CLVS1: variants seen among roughly 807,000 people sequenced by gnomAD.
The protein encoded by CLVS1 is clavesin 1, also known as clavesin-1.
Under a neutral mutation model 33.1 loss-of-function variants are expected in CLVS1, and 10 were observed. The ratio of observed to expected loss-of-function variants is 0.30; its 90% CI spans 0.19 to 0.51. The LOEUF (loss-of-function observed/expected upper bound fraction) is 0.51. CLVS1 is among the 20% of genes least tolerant of loss of function. CLVS1 has a pLI of 0.97. For synonymous variants in CLVS1, 163 were observed against 166.1 expected, an observed-to-expected ratio of 0.98 and a Z score of 0.14; for missense variants, 343 against 433.4, an observed-to-expected ratio of 0.79 and a Z score of 1.85.
the CLVS1 span, among the ~76,000 whole-genome samples, chr8:61,004,137 C>T: frequency 5.9e-3 from 898 of 152,280 alleles, 6 homozygotes; most frequent in African/African-American, 0.019. Flanking sequence ...CTAATAATGC[C>T]GACCTGGCAA....
At chr8:61,369,158 A>G (rs941048036) in intron 2 of CLVS1, among the ~76,000 whole-genome samples, 7 of 152,064 alleles carry the variant, frequency 4.6e-5, no homozygotes, top group African/African-American at 1.5e-4. Flanking sequence ...TTTGTGACCA[A>G]TTTTGCTGAG....
At chr8:60,972,784 G>C in the CLVS1 span, among the ~76,000 whole-genome samples, 1 of 152,160 alleles carries the variant, frequency 6.6e-6, no homozygotes, top group African/African-American at 2.4e-5. Context: ...TGCCCATCAA[G>C]CAATCCTTGA....
In CLVS1 at chr8:61,276,445, T is replaced by A. The variant is rs143160661; in HGVS notation, c.-151-23232T>A. 9.8e-3 allele frequency among the ~76,000 whole-genome samples: 1,493 copies of A among 152,350 alleles called. 18 individuals are homozygous for A. The highest frequency in any genetic ancestry group is 0.028 in the South Asian group (136 of 4,826). ...AAGATTGCTCAAGAAACCCTTGCAT[T>A]CATGCACCAGTAAAGTTGTACTTCT... is the stretch of plus-strand genomic sequence containing the variant. On this transcript the variant is annotated intron_variant, in intron 2 of 2. Coordinates refer to the CLVS1 transcript ENST00000522621.
chr8:61,463,013 A>C (rs1242078677), intron 5 of CLVS1, among the ~76,000 whole-genome samples: 2 of 152,222 alleles, frequency 1.3e-5, no homozygotes, highest in Non-Finnish European at 2.9e-5. Context: ...TCTGTTGTTT[A>C]GTGTAGCCAG....
chr8:61,315,895 A>T (rs1035556189), intron 2 of CLVS1, among the ~76,000 whole-genome samples: 1 of 151,922 alleles, frequency 6.6e-6, no homozygotes, highest in South Asian at 2.1e-4. Flanking sequence ...CAACTCCCCA[A>T]TAGGCCCGGG....
At chr8:61,044,317 C>T in the CLVS1 span, among the ~76,000 whole-genome samples, 56 of 152,234 alleles carry the variant, frequency 3.7e-4, no homozygotes, top group Non-Finnish European at 7.2e-4. Flanking sequence ...TGCTATTGGG[C>T]ACTTGTAGAG....
intron 1 of CLVS1, among the ~76,000 whole-genome samples, chr8:61,122,569 AACACACACACACACACACAC>A (rs4033855): frequency 4.8e-5 from 7 of 144,532 alleles, no homozygotes; most frequent in African/African-American, 1.0e-4. Context: ...ATATTAAGAA[AACACACACACACACACACAC>A]ACACACACAC....
At chr8:61,044,073 C>T in the CLVS1 span, among the ~76,000 whole-genome samples, 1 of 152,122 alleles carries the variant, frequency 6.6e-6, no homozygotes, top group Admixed American at 6.5e-5. Context: ...AAGGATGCTA[C>T]TTTGGAGTTG....
intron 3 of CLVS1, among the ~76,000 whole-genome samples, chr8:61,384,423 A>C (rs1032327646): frequency 2.6e-5 from 4 of 152,224 alleles, no homozygotes; most frequent in African/African-American, 9.6e-5. Context: ...AAGAAATGAT[A>C]AGCATCTGAA....
chr8:61,254,991 C>T (rs908983507), intron 2 of CLVS1, among the ~76,000 whole-genome samples: 2 of 152,210 alleles, frequency 1.3e-5, no homozygotes, highest in African/African-American at 2.4e-5. Context: ...TCGTCTTCTG[C>T]ATCACTGACA....
In CLVS1 at chr8:61,357,494, CTTTTT is replaced by C. The variant is rs1167743712; in HGVS notation, c.456-19087_456-19083del. 1.9e-3 allele frequency among the ~76,000 whole-genome samples: 48 copies of C among 25,806 alleles called. No individual in the cohort carries two copies. In the East Asian group the frequency reaches 0.026, roughly 14 times the overall value. The allele number at this position is 25,806 out of a possible 152,430, so 16.9% of individuals were successfully genotyped here. A position where few individuals can be genotyped will look rare whatever the true frequency, so the allele number is the denominator to read the frequency against. Reference sequence around the variant, plus strand: ...CTTCTTTTTCTTTCCTTTTTCTTTTCTTTTTTTTTTTTTTTTTTTTTTTTTTTTGA... The same window carrying C: ...CTTCTTTTTCTTTCCTTTTTCTTTTCTTTTTTTTTTTTTTTTTTTTTTTGA... On this transcript the variant is annotated intron_variant, in intron 2 of 5. Transcript: ENST00000325897.
At chr8:61,243,883 C>T (rs1808749078) in intron 2 of CLVS1, among the ~76,000 whole-genome samples, 1 of 152,124 alleles carries the variant, frequency 6.6e-6, no homozygotes, top group Non-Finnish European at 1.5e-5. Context: ...GCTGTTTCTT[C>T]TTCAGCTTTT....
Position 61,405,606 on chromosome 8 carries a change from A to G in CLVS1, c.630+28827A>G, listed in dbSNP as rs769755062. 2.6e-5 allele frequency among the ~76,000 whole-genome samples: 4 copies of G among 152,176 alleles called. 1 individual carries two copies. The highest frequency in any genetic ancestry group is 5.9e-5 in the Non-Finnish European group (4 of 68,026). On this transcript the variant is annotated intron_variant, in intron 3 of 5. Transcript: ENST00000325897. ...CTAAGTAACATAACAGGGCCCCTCT[A>G]CAAAACATAATAAATAAAGATGGGT...
upstream of CLVS1, among the ~76,000 whole-genome samples, chr8:61,287,392 T>G (rs193060355): frequency 6.6e-6 from 1 of 152,202 alleles, no homozygotes; most frequent in Non-Finnish European, 1.5e-5. Context: ...AAACATCTAC[T>G]TGCTGCAATT....
chr8:61,481,245 G>A (rs72657075), intron 5 of CLVS1, among the ~76,000 whole-genome samples: 9,725 of 152,238 alleles, frequency 0.064, 523 homozygotes, highest in East Asian at 0.27. Context: ...ATAGGGGGAG[G>A]TTCCAAGATG....
At chr8:61,042,970 C>A in the CLVS1 span, among the ~76,000 whole-genome samples, 1 of 152,136 alleles carries the variant, frequency 6.6e-6, no homozygotes, top group Non-Finnish European at 1.5e-5. Flanking sequence ...ACTTGGGTAA[C>A]CCTTGGGAAT....
At chr8:61,180,533 C>CA (rs1293488621) in intron 2 of CLVS1, among the ~76,000 whole-genome samples, 1 of 151,912 alleles carries the variant, frequency 6.6e-6, no homozygotes, top group African/African-American at 2.4e-5. Context: ...AAAGAGACAA[C>CA]AAAAAAATAA....
chr8:60,981,337 A>T, the CLVS1 span, among the ~76,000 whole-genome samples: 2 of 152,270 alleles, frequency 1.3e-5, no homozygotes, highest in Non-Finnish European at 2.9e-5. Context: ...AAATGAATTT[A>T]TGTAGCTTTG....
At chr8:61,392,530 C>A (rs1341351434) in intron 3 of CLVS1, among the ~76,000 whole-genome samples, 1 of 152,070 alleles carries the variant, frequency 6.6e-6, no homozygotes, top group Admixed American at 6.6e-5. Flanking sequence ...ATCACCCTAC[C>A]CTTTTACCTC....
Sources: allele counts gnomAD v4.1 joint callset (sites outside exome capture counted in the v4.1 genomes callset), GRCh38; gene constraint gnomAD v4.1.1; transcripts MANE v1.5; gene names NCBI Gene and HGNC (gene_info 2026-07-23, HGNC 2026-07-21).